The following TGFB1 variants were observed in gnomAD, a reference collection of about 807,000 sequenced individuals.
The protein encoded by TGFB1 is transforming growth factor beta 1.
In TGFB1, 19 loss-of-function variants were observed where a neutral mutation model predicts 43.8. That is an observed-to-expected ratio of 0.43 (90% confidence interval 0.30 to 0.64). The LOEUF is 0.64. Among genes scored for constraint, TGFB1 ranks in the 30% least tolerant of loss-of-function variants. TGFB1 has a pLI of 0.11. For missense variants in TGFB1, 445 were observed against 529.8 expected (o/e 0.84, Z 1.57); for synonymous variants, 221 against 236.3 (o/e 0.94, Z 0.60).
chr19:41,350,367 C>T (rs1250310689), intron 1 of TGFB1, among the ~76,000 whole-genome samples: 3 of 145,688 alleles, frequency 2.1e-5, no homozygotes, highest in Non-Finnish European at 4.5e-5. Flanking sequence ...TGCAGTGGCG[C>T]GATCTTGGCT....
Position 41,344,744 on chromosome 19 carries a change from C to G in TGFB1, c.634+3G>C. On this transcript the variant is annotated splice_donor_region_variant and intron_variant, in intron 3 of 6. Coordinates refer to ENST00000221930, the MANE Select transcript of TGFB1 (RefSeq NM_000660.7). ...AGGGGTGGGACACACAAGTAATCCTCACCTCCACGGCTCAACCACTGCCGC... is the reference window on the plus strand; with the variant it reads ...AGGGGTGGGACACACAAGTAATCCTGACCTCCACGGCTCAACCACTGCCGC... 1.2e-6 allele frequency: 2 copies of G among 1,613,656 alleles called. No homozygotes were observed. Among genetic ancestry groups the G allele is most frequent in the Non-Finnish European group, 1.7e-6 (2 of 1,179,796 alleles).
intron 2 of TGFB1, among the ~76,000 whole-genome samples, chr19:41,345,256 G>A (rs952473039): frequency 6.6e-6 from 1 of 152,176 alleles, no homozygotes; most frequent in African/African-American, 2.4e-5. Flanking sequence ...CAGCACTTTG[G>A]GAGCCCAAGG....
At chr19:41,344,486 T>C (rs1365321507) in intron 3 of TGFB1, among the ~76,000 whole-genome samples, 1 of 152,156 alleles carries the variant, frequency 6.6e-6, no homozygotes, top group East Asian at 1.9e-4. Flanking sequence ...CAATGGACTA[T>C]ATGAGCTCTG....
chr19:41,344,838 G>T lies in TGFB1; in HGVS notation c.543C>A (p.Tyr181Ter). 1 of 1,600,998 alleles carries T rather than the reference G, an allele frequency of 6.2e-7. No individual in the cohort carries two copies. Among genetic ancestry groups the T allele is most frequent in the South Asian group, 1.1e-5 (1 of 89,066 alleles). ...TGGGTGCCAGCAGCCGGTTGCTGAG[G>T]TATCGCCAGGAATTGTTGCTGTATT... is the stretch of plus-strand genomic sequence containing the variant. ...YQKYSNNSWR[Y>*]LSNRLLAPSD... Residue 181 changes from tyrosine (Y) to a stop codon, truncating the protein, a stop_gained, in exon 3 of 7, where the codon TAC becomes TAA. Transcript: ENST00000221930. LOFTEE classifies it high-confidence loss of function.
rs771172130 is a variant in TGFB1 at position 41,352,817 on chromosome 19, G to A, written c.228C>T (p.Ala76=). 3.8e-6 allele frequency: 6 copies of A among 1,598,504 alleles called. No individual in the cohort carries two copies. Among genetic ancestry groups the A allele is most frequent in the Non-Finnish European group, 3.4e-6 (4 of 1,172,912 alleles). The part of the protein sequence containing the change: ...GEVPPGPLPE[A]VLALYNSTRD... ...GGGTGCTGTTGTACAGGGCGAGCACGGCCTCGGGCAGCGGGCCGGGCGGCA... is the reference window on the plus strand; with the variant it reads ...GGGTGCTGTTGTACAGGGCGAGCACAGCCTCGGGCAGCGGGCCGGGCGGCA... The change falls in exon 1 of 7, where the codon GCC becomes GCT. Residue 76 remains alanine (A), a synonymous_variant. Coordinates refer to ENST00000221930, the MANE Select transcript of TGFB1 (RefSeq NM_000660.7).
intron 5 of TGFB1, among the ~76,000 whole-genome samples, chr19:41,339,551 G>A (rs978244244): frequency 2.6e-5 from 4 of 151,778 alleles, no homozygotes; most frequent in Admixed American, 1.3e-4. Context: ...GTGGCCGGGC[G>A]CAGTGGTTCA....
intron 3 of TGFB1, among the ~76,000 whole-genome samples, chr19:41,344,355 C>T (rs1042393306): frequency 1.3e-5 from 2 of 152,156 alleles, no homozygotes; most frequent in Non-Finnish European, 2.9e-5. Context: ...TATGGTGCCC[C>T]TCCTCCAGGA....
intron 6 of TGFB1, 110 bp from the exon 7 acceptor site, chr19:41,331,320 TC>T: frequency 7.8e-7 from 1 of 1,274,752 alleles, no homozygotes; most frequent in African/African-American, 1.5e-5. Flanking sequence ...ACTTCGTCTC[TC>T]CCCGCATCCC....
intron 5 of TGFB1, 101 bp from the exon 6 acceptor site, chr19:41,332,382 C>G: frequency 7.2e-7 from 1 of 1,396,456 alleles, no homozygotes; most frequent in Admixed American, 2.0e-5. Context: ...GGTTGCCCCC[C>G]CAGCCCTATC....
At chr19:41,332,981 C>T (rs1253129288) in intron 5 of TGFB1, among the ~76,000 whole-genome samples, 2 of 152,124 alleles carry the variant, frequency 1.3e-5, no homozygotes, top group African/African-American at 4.8e-5. Context: ...CTCCATCTCA[C>T]GGCAAATGCC....
At chr19:41,352,591 C>T in intron 1 of TGFB1, 99 bp downstream of exon 1, 2 of 1,430,538 alleles carry the variant, frequency 1.4e-6, no homozygotes, top group Non-Finnish European at 1.9e-6. Flanking sequence ...CCTCTTCCTC[C>T]AGCCAGTTTC....
intron 5 of TGFB1, among the ~76,000 whole-genome samples, chr19:41,332,899 AAAG>A (rs1049880245): frequency 6.6e-6 from 1 of 152,170 alleles, no homozygotes; most frequent in Non-Finnish European, 1.5e-5. Flanking sequence ...TTTTTTTAAA[AAAG>A]AGACAGAAAT....
At chr19:41,333,100 C>T (rs961567928) in intron 5 of TGFB1, among the ~76,000 whole-genome samples, 1 of 152,050 alleles carries the variant, frequency 6.6e-6, no homozygotes, top group African/African-American at 2.4e-5. Context: ...GTTCCTCAGA[C>T]AGTCTTATTT....
intron 3 of TGFB1, among the ~76,000 whole-genome samples, chr19:41,343,512 C>G (rs1210738040): frequency 1.3e-5 from 2 of 152,122 alleles, no homozygotes; most frequent in Non-Finnish European, 2.9e-5. Context: ...ACCCAGCAAG[C>G]CCTCCTAGAC....
chr19:41,352,588 C>T, intron 1 of TGFB1, 102 bp downstream of exon 1: 2 of 1,419,152 alleles, frequency 1.4e-6, no homozygotes, highest in Non-Finnish European at 1.9e-6. Flanking sequence ...TGTCCTCTTC[C>T]TCCAGCCAGT....
rs779809888 is a variant in TGFB1, at chr19:41,344,811, G to T, written c.570C>A (p.Ser190Arg). The T allele has an allele frequency of 1.2e-6, 2 of 1,612,014 alleles. No homozygotes were observed. Among genetic ancestry groups the T allele is most frequent in the East Asian group, 2.2e-5 (1 of 44,838 alleles). Residue 190 changes from serine to arginine, a missense_variant, in exon 3 of 7, where the codon AGC (serine) becomes AGA (arginine). Ser to Arg is a moderately radical substitution (Grantham distance 110, BLOSUM62 -1). Coordinates refer to ENST00000221930, the MANE Select transcript of TGFB1 (RefSeq NM_000660.7). ...RYLSNRLLAP[S>R]DSPEWLSFDV... ...CAAAAGATAACCACTCTGGCGAGTC[G>T]CTGGGTGCCAGCAGCCGGTTGCTGA...
intron 2 of TGFB1, among the ~76,000 whole-genome samples, chr19:41,345,629 C>T (rs551611728): frequency 2.6e-5 from 4 of 152,080 alleles, no homozygotes; most frequent in South Asian, 2.1e-4. Flanking sequence ...CGGCTGGGCA[C>T]GGTGGCTCAC....
intron 5 of TGFB1, among the ~76,000 whole-genome samples, chr19:41,338,957 G>C (rs1411528655): frequency 6.7e-6 from 1 of 148,688 alleles, no homozygotes; most frequent in Non-Finnish European, 1.5e-5. Context: ...ATTTTTGGTT[G>C]CATGGGGGGT....
intron 5 of TGFB1, among the ~76,000 whole-genome samples, chr19:41,336,732 T>C (rs2037992485): frequency 6.6e-6 from 1 of 152,122 alleles, no homozygotes; most frequent in Non-Finnish European, 1.5e-5. Context: ...ACCGTGTTGC[T>C]TCATCCATAA....
Sources: allele counts gnomAD v4.1 joint callset (sites outside exome capture counted in the v4.1 genomes callset), GRCh38; gene constraint gnomAD v4.1.1; transcripts MANE v1.5; gene names NCBI Gene and HGNC (gene_info 2026-07-23, HGNC 2026-07-21).